Variants in DYNC1I1 observed in about 807,000 individuals in gnomAD.
The protein encoded by DYNC1I1 is cytoplasmic dynein 1 intermediate chain 1.
A neutral mutation model predicts 86.6 loss-of-function variants in DYNC1I1; 43 were observed. The observed-to-expected ratio is 0.50, with a 90% CI of 0.39 to 0.64. The LOEUF (loss-of-function observed/expected upper bound fraction) is 0.64. DYNC1I1 is among the 30% of genes least tolerant of loss of function. DYNC1I1 has a pLI of 0.00. For synonymous variants in DYNC1I1, 262 were observed against 283.7 expected (o/e 0.92, Z 0.77); for missense variants, 604 against 788.8 (o/e 0.77, Z 2.81).
chr7:95,932,306 C>T (rs986970243), intron 6 of DYNC1I1, among the ~76,000 whole-genome samples: 9 of 152,102 alleles, frequency 5.9e-5, no homozygotes, highest in South Asian at 2.1e-4. Context: ...CACACTATGG[C>T]GGCACATTTT....
At chr7:95,825,303 C>T (rs1174041213) in intron 4 of DYNC1I1, among the ~76,000 whole-genome samples, 4 of 152,128 alleles carry the variant, frequency 2.6e-5, no homozygotes, top group South Asian at 2.1e-4. Context: ...GCCAGACCAT[C>T]GGGGAGCTGC....
chr7:95,820,947 C>A (rs1226242191), intron 4 of DYNC1I1, among the ~76,000 whole-genome samples: 5 of 152,188 alleles, frequency 3.3e-5, no homozygotes, highest in African/African-American at 9.6e-5. Flanking sequence ...TGAAAACTCT[C>A]CTGCGGCCAT....
At chr7:95,868,196 C>T (rs1353338522) in intron 5 of DYNC1I1, among the ~76,000 whole-genome samples, 1 of 152,220 alleles carries the variant, frequency 6.6e-6, no homozygotes, top group Non-Finnish European at 1.5e-5. Flanking sequence ...AGCCTGGGCT[C>T]CAGTCACGGT....
intron 1 of DYNC1I1, among the ~76,000 whole-genome samples, chr7:95,794,061 C>G (rs191764045): frequency 6.6e-5 from 10 of 152,338 alleles, no homozygotes; most frequent in Admixed American, 4.6e-4. Flanking sequence ...TTGCCTGATA[C>G]TTGGCCTAAG....
intron 16 of DYNC1I1, among the ~76,000 whole-genome samples, chr7:96,103,710 T>C (rs1467310451): frequency 2.0e-5 from 3 of 152,084 alleles, no homozygotes; most frequent in African/African-American, 7.2e-5. Context: ...CCTCCCAGGT[T>C]CAAGCAATTC....
At chr7:96,038,763 C>T (rs954307626) in intron 13 of DYNC1I1, among the ~76,000 whole-genome samples, 1 of 152,090 alleles carries the variant, frequency 6.6e-6, no homozygotes, top group Non-Finnish European at 1.5e-5. Context: ...CAAAGTGTTA[C>T]ATTTTCAGCT....
chr7:96,023,198 C>T (rs935715626), intron 10 of DYNC1I1, among the ~76,000 whole-genome samples: 4 of 148,094 alleles, frequency 2.7e-5, no homozygotes, highest in South Asian at 2.1e-4. Flanking sequence ...GCAAATAAAA[C>T]GTCAGCCACC....
intron 6 of DYNC1I1, among the ~76,000 whole-genome samples, chr7:95,913,671 T>G (rs938771733): frequency 1.3e-5 from 2 of 152,170 alleles, no homozygotes; most frequent in African/African-American, 4.8e-5. Context: ...CTCAGGTATA[T>G]CTTTATTAAC....
At chr7:95,859,229 A>C (rs1227532419) in intron 5 of DYNC1I1, among the ~76,000 whole-genome samples, 3 of 151,334 alleles carry the variant, frequency 2.0e-5, no homozygotes, top group African/African-American at 7.3e-5. Context: ...ATTTCATTGA[A>C]TTGTTTCTCT....
At chr7:96,025,841 G>C (rs555092122) in intron 10 of DYNC1I1, among the ~76,000 whole-genome samples, 7 of 42,174 alleles carry the variant, frequency 1.7e-4, no homozygotes, top group South Asian at 7.4e-4. Flanking sequence ...ACAAGCTTGC[G>C]GGGGGGGGAT....
intron 10 of DYNC1I1, among the ~76,000 whole-genome samples, chr7:96,009,235 G>A (rs1033786194): frequency 6.6e-6 from 1 of 152,180 alleles, no homozygotes; most frequent in Non-Finnish European, 1.5e-5. Flanking sequence ...TATTGCAAAT[G>A]TGTTCATGAA....
At chr7:96,051,499 C>T (rs926797966) in intron 14 of DYNC1I1, among the ~76,000 whole-genome samples, 3 of 152,166 alleles carry the variant, frequency 2.0e-5, no homozygotes, top group Admixed American at 1.3e-4. Flanking sequence ...TCGTGATACA[C>T]ATTTGATTGA....
At chr7:95,951,169 G>T (rs968429446) in intron 6 of DYNC1I1, among the ~76,000 whole-genome samples, 1 of 152,156 alleles carries the variant, frequency 6.6e-6, no homozygotes, top group African/African-American at 2.4e-5. Flanking sequence ...TTCTTTTTAA[G>T]CAGTGTATTT....
At chr7:95,991,991 C>T (rs1793742210) in intron 9 of DYNC1I1, among the ~76,000 whole-genome samples, 1 of 152,120 alleles carries the variant, frequency 6.6e-6, no homozygotes, top group South Asian at 2.1e-4. Flanking sequence ...TCCCGAGTAG[C>T]TGGGATTACA....
intron 14 of DYNC1I1, among the ~76,000 whole-genome samples, chr7:96,062,072 G>A (rs987379183): frequency 3.9e-5 from 6 of 152,176 alleles, no homozygotes; most frequent in African/African-American, 9.7e-5. Flanking sequence ...AGGGTGGAGC[G>A]GTCTGTTGAA....
At chr7:95,945,602 G>A (rs1055205999) in intron 6 of DYNC1I1, among the ~76,000 whole-genome samples, 4 of 152,102 alleles carry the variant, frequency 2.6e-5, no homozygotes, top group African/African-American at 4.8e-5. Flanking sequence ...CTTGGGAAAT[G>A]GACAAGTTTC....
intron 5 of DYNC1I1, among the ~76,000 whole-genome samples, chr7:95,856,585 C>A (rs976928195): frequency 4.6e-5 from 7 of 152,190 alleles, no homozygotes; most frequent in African/African-American, 1.7e-4. Context: ...TCTTCTTCAG[C>A]TGTGTGTTCC....
intron 1 of DYNC1I1, among the ~76,000 whole-genome samples, chr7:95,797,632 TA>T (rs1281836941): frequency 6.6e-6 from 1 of 152,242 alleles, no homozygotes; most frequent in African/African-American, 2.4e-5. Flanking sequence ...GATTTTAATG[TA>T]ACAGAGTACA....
chr7:95,844,641 A>G (rs908926991), intron 5 of DYNC1I1, among the ~76,000 whole-genome samples: 3 of 151,564 alleles, frequency 2.0e-5, no homozygotes, highest in South Asian at 2.1e-4. Context: ...TGGGGGTGCA[A>G]TCGTAGGGGT....
Sources: allele counts gnomAD v4.1 joint callset (sites outside exome capture counted in the v4.1 genomes callset), GRCh38; gene constraint gnomAD v4.1.1; transcripts MANE v1.5; gene names NCBI Gene and HGNC (gene_info 2026-07-23, HGNC 2026-07-21).